AGMO: variants seen among roughly 807,000 people sequenced by gnomAD.
The protein encoded by AGMO is glyceryl-ether monooxygenase.
In AGMO, 75 loss-of-function variants were observed where a neutral mutation model predicts 60.2. The observed-to-expected ratio is 1.25, with a 90% CI of 1.03 to 1.51. AGMO has a LOEUF of 1.51. Ranked by LOEUF, AGMO falls within the 40% of genes most tolerant of loss-of-function variation. AGMO has a pLI of 0.00. For synonymous variants in AGMO, 261 were observed against 177.1 expected, an observed-to-expected ratio of 1.47 and a Z score of -3.76; for missense variants, 763 against 525.5, an observed-to-expected ratio of 1.45 and a Z score of -4.42.
At chr7:15,423,712 G>A (rs1441854265) in intron 4 of AGMO, among the ~76,000 whole-genome samples, 2 of 91,606 alleles carry the variant, frequency 2.2e-5, no homozygotes, top group African/African-American at 3.6e-5. Context: ...TGCACACAGC[G>A]AGAATGGCAC....
the AGMO span, among the ~76,000 whole-genome samples, chr7:15,136,597 C>G: frequency 6.6e-6 from 1 of 152,020 alleles, no homozygotes; most frequent in Non-Finnish European, 1.5e-5. Flanking sequence ...AAATCTCAGT[C>G]TCTGGAGCAC....
intron 12 of AGMO, among the ~76,000 whole-genome samples, chr7:15,291,609 A>C (rs924712356): frequency 5.3e-5 from 8 of 152,310 alleles, no homozygotes; most frequent in African/African-American, 1.7e-4. Flanking sequence ...CACACAAAAA[A>C]AAACTTGTCA....
chr7:15,207,902 C>G (rs1781483218), intron 12 of AGMO, among the ~76,000 whole-genome samples: 1 of 152,068 alleles, frequency 6.6e-6, no homozygotes, highest in South Asian at 2.1e-4. Context: ...CCACTGCACT[C>G]CAGCCTGGGT....
Position 15,235,277 on chromosome 7 carries a change from G to A in AGMO, c.1264-33918C>T, listed in dbSNP as rs562548924. ...TACACACACTGTCTTCCCCATTGGC[G>A]CTTTCCTTAATGAAGACAAAGACCT... is the stretch of plus-strand genomic sequence containing the variant. On this transcript the variant is annotated intron_variant, in intron 12 of 12. Coordinates refer to ENST00000342526, the MANE Select transcript of AGMO (RefSeq NM_001004320.2). Among the ~76,000 whole-genome samples the A allele has an allele frequency of 2.0e-4, 30 of 152,068 alleles. No individual in the cohort carries two copies. The South Asian group carries it at 3.7e-3, about 19-fold the overall frequency.
At chr7:15,174,042 G>C in the AGMO span, among the ~76,000 whole-genome samples, 8 of 151,892 alleles carry the variant, frequency 5.3e-5, no homozygotes, top group African/African-American at 9.7e-5. Context: ...GATGTGAAAA[G>C]CCTGAGATGA....
intron 3 of AGMO, among the ~76,000 whole-genome samples, chr7:15,484,299 C>A (rs1356401295): frequency 6.6e-6 from 1 of 151,824 alleles, no homozygotes; most frequent in African/African-American, 2.4e-5. Context: ...ATATTATATC[C>A]CATTCTTTGG....
intron 3 of AGMO, among the ~76,000 whole-genome samples, chr7:15,521,465 C>A (rs1783983284): frequency 6.6e-6 from 1 of 152,092 alleles, no homozygotes; most frequent in Admixed American, 6.5e-5. Flanking sequence ...ACTGGCAAAC[C>A]AAATCCAGCA....
intron 5 of AGMO, among the ~76,000 whole-genome samples, chr7:15,413,665 T>C (rs1780677168): frequency 6.6e-6 from 1 of 152,134 alleles, no homozygotes; most frequent in Admixed American, 6.5e-5. Context: ...AGATAAACTT[T>C]TTAAAGTACT....
the AGMO span, among the ~76,000 whole-genome samples, chr7:15,127,833 G>A: frequency 2.0e-5 from 3 of 151,906 alleles, no homozygotes; most frequent in African/African-American, 7.3e-5. Flanking sequence ...TATTTTTTGA[G>A]TTTTGGAAAT....
chr7:15,483,396 C>T (rs1447513859), intron 3 of AGMO, among the ~76,000 whole-genome samples: 1 of 140,280 alleles, frequency 7.1e-6, no homozygotes, highest in East Asian at 2.1e-4. Context: ...GAAACCCCGT[C>T]TCTACTAAAA....
the AGMO span, among the ~76,000 whole-genome samples, chr7:15,168,571 C>T: frequency 4.1e-4 from 63 of 152,322 alleles, no homozygotes; most frequent in African/African-American, 1.4e-3. Context: ...TCATCCCTAC[C>T]ACTTGGTCTT....
chr7:15,277,532 AT>A (rs150666983), intron 12 of AGMO, among the ~76,000 whole-genome samples: 58 of 148,892 alleles, frequency 3.9e-4, no homozygotes, highest in African/African-American at 5.2e-4. Context: ...TTTGGATTGG[AT>A]TTTTTTTTTC....
intron 3 of AGMO, among the ~76,000 whole-genome samples, chr7:15,492,361 A>G (rs1783089521): frequency 7.1e-6 from 1 of 139,930 alleles, no homozygotes; most frequent in African/African-American, 3.0e-5. Flanking sequence ...CCAATACGAA[A>G]AAAAAAAAAA....
intron 12 of AGMO, among the ~76,000 whole-genome samples, chr7:15,230,787 G>A (rs531559000): frequency 2.6e-5 from 4 of 152,046 alleles, no homozygotes; most frequent in South Asian, 2.1e-4. Flanking sequence ...TCTCCCCACC[G>A]CAGAATCCAT....
At chr7:15,550,560 A>C (rs1427914705) in intron 2 of AGMO, among the ~76,000 whole-genome samples, 2 of 151,850 alleles carry the variant, frequency 1.3e-5, no homozygotes, top group Non-Finnish European at 2.9e-5. Context: ...TAAACTAGAA[A>C]ATCTAGAAGA....
chr7:15,388,668 AAAAC>A (rs770006948), intron 8 of AGMO, among the ~76,000 whole-genome samples: 53 of 152,322 alleles, frequency 3.5e-4, no homozygotes, highest in African/African-American at 9.4e-4. Flanking sequence ...AATAATAAGG[AAAAC>A]AAACAAACAA....
At chr7:15,547,597 C>T (rs147555257) in intron 2 of AGMO, among the ~76,000 whole-genome samples, 3,123 of 152,190 alleles carry the variant, frequency 0.021, 109 homozygotes, top group African/African-American at 0.071. Flanking sequence ...ACGAATATTG[C>T]GCTTTTCGGA....
intron 8 of AGMO, among the ~76,000 whole-genome samples, 153 bp downstream of exon 8, chr7:15,390,518 T>C (rs1784093402): frequency 6.6e-6 from 1 of 152,230 alleles, no homozygotes; most frequent in African/African-American, 2.4e-5. Context: ...CTTTTGCTTG[T>C]GTAACAAAGA....
chr7:15,188,109 T>C, the AGMO span, among the ~76,000 whole-genome samples: 1 of 152,068 alleles, frequency 6.6e-6, no homozygotes, highest in African/African-American at 2.4e-5. Flanking sequence ...GCCACTTGGG[T>C]AGACTGGTAT....
Sources: allele counts gnomAD v4.1 joint callset (sites outside exome capture counted in the v4.1 genomes callset), GRCh38; gene constraint gnomAD v4.1.1; transcripts MANE v1.5; gene names NCBI Gene and HGNC (gene_info 2026-07-23, HGNC 2026-07-21).